The following AXDND1 variants were observed in gnomAD, a reference collection of about 807,000 sequenced individuals.
AXDND1 encodes axonemal dynein light chain domain containing 1, also known as axonemal dynein light chain domain-containing protein 1.
Under a neutral mutation model 137.5 loss-of-function variants are expected in AXDND1, and 110 were observed. That is an observed-to-expected ratio of 0.80 (90% CI 0.69 to 0.94). The LOEUF is 0.94. AXDND1 is among the 40% of genes least tolerant of loss of function. The pLI is 0.00. For missense variants in AXDND1, 1,191 were observed against 1,169.8 expected, an observed-to-expected ratio of 1.02 and a Z score of -0.26; for synonymous variants, 414 against 399.7, an observed-to-expected ratio of 1.04 and a Z score of -0.43.
chr1:179,395,300 C>G (rs562065250), intron 11 of AXDND1, 98 bp downstream of exon 11: 11 of 923,738 alleles, frequency 1.2e-5, no homozygotes, highest in African/African-American at 1.7e-5. Context: ...TTCTTGAATT[C>G]TAAAATCACA....
intron 25 of AXDND1, among the ~76,000 whole-genome samples, chr1:179,536,622 G>T (rs990433969): frequency 6.6e-6 from 1 of 152,122 alleles, no homozygotes; most frequent in African/African-American, 2.4e-5. Context: ...TAGCCTTGTA[G>T]TATAGTTTGA....
At chr1:179,407,296 C>T (rs1323066251) in intron 11 of AXDND1, among the ~76,000 whole-genome samples, 1 of 150,792 alleles carries the variant, frequency 6.6e-6, no homozygotes, top group Admixed American at 6.6e-5. Context: ...GGTGTGATCT[C>T]AGCTCACTAC....
chr1:179,414,206 C>T (rs1293253828), intron 12 of AXDND1, among the ~76,000 whole-genome samples: 1 of 149,270 alleles, frequency 6.7e-6, no homozygotes, highest in Non-Finnish European at 1.5e-5. Flanking sequence ...CAAAAAAAAA[C>T]CCAACGTATT....
intron 6 of AXDND1, among the ~76,000 whole-genome samples, chr1:179,382,024 C>T (rs1185968787): frequency 6.7e-6 from 1 of 148,674 alleles, no homozygotes; most frequent in African/African-American, 2.5e-5. Flanking sequence ...GAACTCCTGC[C>T]TTGGCCTCTG....
intron 16 of AXDND1, chr1:179,449,888 T>A (rs1404709608): frequency 6.6e-6 from 1 of 152,074 alleles, no homozygotes; most frequent in African/African-American, 2.4e-5. Context: ...ATTTATTAGT[T>A]CTAATAGTTT....
At chr1:179,381,163 C>G (rs1257177998) in intron 6 of AXDND1, among the ~76,000 whole-genome samples, 1 of 150,808 alleles carries the variant, frequency 6.6e-6, no homozygotes, top group African/African-American at 2.4e-5. Context: ...GCCTCAGCCT[C>G]CTGAGTAGCT....
At chr1:179,473,552 G>T (rs775252153) in intron 17 of AXDND1, among the ~76,000 whole-genome samples, 6 of 152,116 alleles carry the variant, frequency 3.9e-5, no homozygotes, top group Non-Finnish European at 8.8e-5. Context: ...GTGACATATA[G>T]ATATACTTCT....
chr1:179,406,456 T>C (rs1652988449), intron 11 of AXDND1, among the ~76,000 whole-genome samples: 1 of 152,160 alleles, frequency 6.6e-6, no homozygotes, highest in East Asian at 1.9e-4. Context: ...GTGTAGGGTT[T>C]TGAAGGCCCC....
At chr1:179,369,898 T>G in intron 3 of AXDND1, 77 bp from the exon 4 acceptor site, 2 of 1,111,564 alleles carry the variant, frequency 1.8e-6, no homozygotes, top group Non-Finnish European at 2.7e-6. Flanking sequence ...ATACAGTACT[T>G]ACTCAAAACT....
At chr1:179,466,276 C>CTTTTTTTTTTTTTTTTTTTTTTTTTT in intron 16 of AXDND1, among the ~76,000 whole-genome samples, 1 of 121,364 alleles carries the variant, frequency 8.2e-6, no homozygotes, top group Non-Finnish European at 1.7e-5. Context: ...TTTCTTTCTT[C>CTTTTTTTTTTTTTTTTTTTTTTTTTT]TTCTTCTTCT....
chr1:179,464,790 T>G (rs1662886821), intron 16 of AXDND1, among the ~76,000 whole-genome samples: 1 of 152,226 alleles, frequency 6.6e-6, no homozygotes, highest in Non-Finnish European at 1.5e-5. Context: ...TAGTCGCATA[T>G]TTCTTGGAGG....
intron 16 of AXDND1, among the ~76,000 whole-genome samples, chr1:179,467,035 C>G (rs1473300211): frequency 6.6e-6 from 1 of 152,136 alleles, no homozygotes; most frequent in African/African-American, 2.4e-5. Flanking sequence ...AAATTCTGTA[C>G]TTCAATTTTG....
chr1:179,488,874 A>T (rs1572052747), intron 18 of AXDND1, among the ~76,000 whole-genome samples: 1 of 145,364 alleles, frequency 6.9e-6, no homozygotes, highest in East Asian at 2.0e-4. Context: ...AGCTGGAATT[A>T]CAGGCGCGTG....
chr1:179,422,747 T>C (rs1265078890), intron 12 of AXDND1, among the ~76,000 whole-genome samples: 2 of 152,158 alleles, frequency 1.3e-5, no homozygotes, highest in Admixed American at 1.3e-4. Flanking sequence ...ACTATTATTA[T>C]ATTACATTTT....
chr1:179,382,972 A>G (rs1236309708), intron 7 of AXDND1, among the ~76,000 whole-genome samples: 1 of 152,090 alleles, frequency 6.6e-6, no homozygotes. Flanking sequence ...TAAATTTTAC[A>G]TATTTACATA....
At chr1:179,412,061 G>A in intron 12 of AXDND1, among the ~76,000 whole-genome samples, 1 of 151,944 alleles carries the variant, frequency 6.6e-6, no homozygotes, top group Non-Finnish European at 1.5e-5. Flanking sequence ...ATGTTGCCCT[G>A]GATAGTCTTG....
chr1:179,379,562 G>A, intron 6 of AXDND1, 80 bp downstream of exon 6: 1 of 1,542,408 alleles, frequency 6.5e-7, no homozygotes, highest in Non-Finnish European at 8.7e-7. Flanking sequence ...GCGAGGCCAA[G>A]GCGGGTGGAT....
At chr1:179,394,576 C>T (rs1024855846) in intron 10 of AXDND1, among the ~76,000 whole-genome samples, 3 of 79,504 alleles carry the variant, frequency 3.8e-5, no homozygotes, top group Non-Finnish European at 6.0e-5. Context: ...GGTGACGGAG[C>T]GAGACCCTGT....
Position 179,554,568 on chromosome 1 carries a change from C to T in AXDND1, c.*49C>T, listed in dbSNP as rs750714076. 2 of 1,614,054 alleles carry T rather than the reference C, an allele frequency of 1.2e-6. No homozygotes were observed. The highest frequency in any genetic ancestry group is 2.2e-5 in the South Asian group (2 of 91,076). Reference sequence around the variant, plus strand: ...AGAATTCAGATGTCAGTGGGAGCCTCCAGGTGGGAGGAGAGCATGCCTAAA... The same window carrying T: ...AGAATTCAGATGTCAGTGGGAGCCTTCAGGTGGGAGGAGAGCATGCCTAAA... On this transcript the variant is annotated 3_prime_UTR_variant, in exon 26 of 26. Transcript: ENST00000367618.
Sources: gnomAD v4.1 joint callset for allele counts (sites outside exome capture counted in the v4.1 genomes callset) on GRCh38, gnomAD v4.1.1 for gene constraint, MANE v1.5 for transcripts, NCBI Gene and HGNC (gene_info 2026-07-23, HGNC 2026-07-21) for gene names.